The following ASS1 variants were observed in gnomAD, a reference collection of about 807,000 sequenced individuals.
ASS1 encodes argininosuccinate synthase 1.
ASS1 carries 58 observed loss-of-function variants against 60.5 expected under a neutral mutation model. The observed-to-expected ratio is 0.96, with a 90% CI of 0.78 to 1.19. ASS1 has a LOEUF of 1.19. ASS1 is among the 50% of genes most tolerant of loss of function. The pLI, the probability that ASS1 is intolerant of heterozygous loss-of-function variation, is 0.00. For synonymous variants in ASS1, 200 were observed against 206.9 expected (o/e 0.97, Z 0.29); for missense variants, 454 against 547.3 (o/e 0.83, Z 1.70).
chr9:130,459,057 C>T lies in ASS1; in HGVS notation c.363+468C>T, dbSNP rs760041928. Among the ~76,000 whole-genome samples the T allele has an allele frequency of 9.2e-5, 14 of 152,392 alleles. No individual in the cohort carries two copies. Among genetic ancestry groups the T allele is most frequent in the Non-Finnish European group, 1.6e-4 (11 of 68,042 alleles). ...GTTTCTTCATTTGCAAGATGGGGCT[C>T]ATGCCATGTCTTAGTTTCCCAGGGC... On this transcript the variant is annotated intron_variant, in intron 4 of 14. Transcript: ENST00000352480. This position sits in a 1 kb window ranked among gnomAD's most constrained non-coding sequence, Gnocchi z 4.6.
In ASS1 at chr9:130,479,875, TA is replaced by T. The variant is rs778155499; in HGVS notation, c.773+77del. 12 of 1,476,332 alleles carry T rather than the reference TA, an allele frequency of 8.1e-6. No homozygotes were observed. The East Asian group carries it at 2.5e-4, about 31-fold the overall frequency. 91.5% of individuals were successfully genotyped at this position (1,476,332 alleles called of 1,614,324 possible). On this transcript the variant is annotated intron_variant, in intron 10 of 14. Transcript: ENST00000352480. ...GAGCACGAGCCTGGACCGTTGCAGC[TA>T]ATGGTTGTGGCTGAGGCTCAGGGGT...
rs922970946 is a variant in ASS1 at position 130,470,026 on chromosome 9, G to A, written c.496-808G>A. Among the ~76,000 whole-genome samples, 4 of 152,144 alleles carry A rather than the reference G, an allele frequency of 2.6e-5. No homozygotes were observed. The highest frequency in any genetic ancestry group is 2.6e-4 in the Admixed American group (4 of 15,282). On this transcript the variant is annotated intron_variant, in intron 6 of 14. Transcript: ENST00000352480. This position sits in a 1 kb window ranked among gnomAD's most constrained non-coding sequence, Gnocchi z 4.3. ...GCCAGGAGAGCAGTGCCAGGTGTCC[G>A]AGTGCAGGAGGAGGCTGGAGTGCAC... is the stretch of plus-strand genomic sequence containing the variant.
rs1406565152 is a variant in ASS1, at chr9:130,464,073, T to C, written c.364-38T>C. 4 of 1,611,914 alleles carry C rather than the reference T, an allele frequency of 2.5e-6. No homozygotes were observed. The African/African-American group carries it at 4.0e-5, about 16-fold the overall frequency. ...CCTCCCCCAGACTCCAGAACCCCCATCCTGTGGCTCCTGACAGCCCTCTGT... is the reference window on the plus strand; with the variant it reads ...CCTCCCCCAGACTCCAGAACCCCCACCCTGTGGCTCCTGACAGCCCTCTGT... On this transcript the variant is annotated intron_variant, in intron 4 of 14. Transcript: ENST00000352480.
chr9:130,480,332 G>A (rs1846136877), intron 10 of ASS1, 53 bp from the exon 11 acceptor site: 10 of 1,607,042 alleles, frequency 6.2e-6, no homozygotes, highest in Non-Finnish European at 8.5e-6. Flanking sequence ...CTGGGTGGGT[G>A]ACTCTGAGCC....
At chr9:130,448,638 A>G (rs1335430797) in intron 1 of ASS1, among the ~76,000 whole-genome samples, 1 of 152,112 alleles carries the variant, frequency 6.6e-6, no homozygotes, top group African/African-American at 2.4e-5. Context: ...ATCTTGGCTC[A>G]CTGCAACCTT....
chr9:130,474,020 ACTCT>A (rs1179798565), intron 8 of ASS1, among the ~76,000 whole-genome samples: 5 of 15,734 alleles, frequency 3.2e-4, no homozygotes, highest in Non-Finnish European at 5.6e-4. Context: ...CCCCACCCCG[ACTCT>A]CTCTCTCTCT....
intron 10 of ASS1, 30 bp downstream of exon 10, chr9:130,479,830 T>G: frequency 6.2e-7 from 1 of 1,601,522 alleles, no homozygotes; most frequent in East Asian, 2.2e-5. Context: ...TCCGGCCTCT[T>G]GGGAACCGCC....
chr9:130,492,908 A>G (rs1258316421), intron 12 of ASS1, among the ~76,000 whole-genome samples: 1 of 152,114 alleles, frequency 6.6e-6, no homozygotes, highest in Admixed American at 6.5e-5. Context: ...GTCCGCTGGG[A>G]AAAGAAATCT....
At chr9:130,485,775 G>A (rs1004934231) in intron 11 of ASS1, among the ~76,000 whole-genome samples, 1 of 152,216 alleles carries the variant, frequency 6.6e-6, no homozygotes, top group Admixed American at 6.5e-5. Context: ...GACTTTGTCA[G>A]TGTCGTGCTC....
intron 5 of ASS1, 36 bp from the exon 6 acceptor site, chr9:130,466,689 G>A (rs759714084): frequency 1.0e-5 from 16 of 1,601,392 alleles, no homozygotes; most frequent in Admixed American, 6.7e-5. Context: ...CCCACAGCTC[G>A]GCCCTCCCGG....
At position 130,470,156 on chromosome 9, in the gene ASS1, C is replaced by T. The variant is rs78442304; in HGVS notation, c.496-678C>T. Among the ~76,000 whole-genome samples the T allele has an allele frequency of 0.045, 6,815 of 152,224 alleles. 497 individuals carry two copies. The highest frequency in any genetic ancestry group is 0.15 in the African/African-American group (6,390 of 41,512). The stretch of plus-strand genomic sequence containing the variant: ...GGCTGAGTCAGGTGGGCCTTCCATG[C>T]GTGACCTGCAGCCCTCTTAGCCTGG... On this transcript the variant is annotated intron_variant, in intron 6 of 14. Coordinates refer to ENST00000352480, the MANE Select transcript of ASS1 (RefSeq NM_054012.4). The surrounding 1 kb of genome is among the most constrained non-coding windows in gnomAD (Gnocchi z 4.3).
chr9:130,472,481 G>A (rs1845891793), intron 8 of ASS1, among the ~76,000 whole-genome samples: 1 of 152,202 alleles, frequency 6.6e-6, no homozygotes, highest in Non-Finnish European at 1.5e-5. Flanking sequence ...TAGGACACTG[G>A]CTGGGAGCAT....
At chr9:130,453,305 A>G (rs1588471849) in intron 2 of ASS1, among the ~76,000 whole-genome samples, 1 of 152,392 alleles carries the variant, frequency 6.6e-6, no homozygotes, top group Middle Eastern at 3.4e-3. Flanking sequence ...GGGTCCACCC[A>G]GGAAAGAAGG....
Position 130,448,422 on chromosome 9 carries a change from G to GCGCACACACACACACACA in ASS1, c.-6+3428_-6+3429insGCACACACACACACACAC, listed in dbSNP as rs71387350. ...TGGGTGCACACAGGTGTGTGCGCGCGCACACACACACACACACACACACTG... is the reference window on the plus strand; with the variant it reads ...TGGGTGCACACAGGTGTGTGCGCGCGCGCACACACACACACACACACACACACACACACACACACACTG... On this transcript the variant is annotated intron_variant, in intron 1 of 14. Coordinates refer to ENST00000352480, the MANE Select transcript of ASS1 (RefSeq NM_054012.4). Among the ~76,000 whole-genome samples the GCGCACACACACACACACA allele has an allele frequency of 1.0e-3, 146 of 143,380 alleles. 1 individual carries two copies. Among genetic ancestry groups the GCGCACACACACACACACA allele is most frequent in the African/African-American group, 3.7e-3 (135 of 36,448 alleles). The allele number at this position is 143,380 out of a possible 152,430, so 94.1% of individuals were successfully genotyped here.
At chr9:130,460,667 G>A (rs1250652370) in intron 4 of ASS1, among the ~76,000 whole-genome samples, 2 of 152,196 alleles carry the variant, frequency 1.3e-5, no homozygotes, top group Non-Finnish European at 2.9e-5. Context: ...TTGCTGTGGG[G>A]GAGGCAATAG....
intron 6 of ASS1, among the ~76,000 whole-genome samples, chr9:130,469,821 G>A (rs1488012009): frequency 2.6e-5 from 4 of 152,216 alleles, no homozygotes; most frequent in Non-Finnish European, 5.9e-5. Flanking sequence ...GAGCCTGAGT[G>A]GGGTCGATCC....
chr9:130,445,194 T>C, intron 1 of ASS1, 199 bp downstream of exon 1: 1 of 985,062 alleles, frequency 1.0e-6, no homozygotes, highest in East Asian at 1.1e-4. Flanking sequence ...GGCACCGGAT[T>C]CCAGGTTTCT....
chr9:130,456,849 C>T (rs940711222), intron 3 of ASS1, among the ~76,000 whole-genome samples: 1 of 151,978 alleles, frequency 6.6e-6, no homozygotes, highest in African/African-American at 2.4e-5. Flanking sequence ...TCACTTGAAC[C>T]CGGAAGGCAG....
intron 10 of ASS1, 95 bp downstream of exon 10, chr9:130,479,895 C>T (rs1409867929): frequency 8.0e-6 from 11 of 1,378,208 alleles, no homozygotes; most frequent in Middle Eastern, 1.8e-4. Flanking sequence ...GGCTGAGGCT[C>T]AGGGGTGCGG....
Sources: gnomAD v4.1 joint callset for allele counts (sites outside exome capture counted in the v4.1 genomes callset) on GRCh38, gnomAD v4.1.1 for gene constraint, Gnocchi (gnomAD v3.1) non-coding constraint, MANE v1.5 for transcripts, NCBI Gene and HGNC (gene_info 2026-07-23, HGNC 2026-07-21) for gene names.